RNF122: variants seen among roughly 807,000 people sequenced by gnomAD.
RNF122 encodes the protein ring finger protein 122.
A neutral mutation model predicts 24.2 loss-of-function variants in RNF122; 17 were observed. The observed-to-expected ratio is 0.70, with a 90% CI of 0.48 to 1.06. The LOEUF (loss-of-function observed/expected upper bound fraction) is 1.06. Ranked by LOEUF, RNF122 falls within the 50% of genes least tolerant of loss-of-function variation. The pLI, the probability that RNF122 is intolerant of heterozygous loss-of-function variation, is 0.00. For missense variants in RNF122, 168 were observed against 198.1 expected, an observed-to-expected ratio of 0.85 and a Z score of 0.91; for synonymous variants, 65 against 71.8, an observed-to-expected ratio of 0.91 and a Z score of 0.48.
chr8:33,563,141 C>G (rs905974346), intron 1 of RNF122, among the ~76,000 whole-genome samples: 1 of 151,892 alleles, frequency 6.6e-6, no homozygotes, highest in African/African-American at 2.4e-5. Context: ...AGCCTGAACC[C>G]TCCTAGGTTT....
intron 1 of RNF122, among the ~76,000 whole-genome samples, chr8:33,564,728 C>A (rs187678684): frequency 6.6e-6 from 1 of 151,894 alleles, no homozygotes. Flanking sequence ...CAAAATTAGC[C>A]GGCCATGGTG....
intron 2 of RNF122, among the ~76,000 whole-genome samples, chr8:33,557,144 C>T (rs1422974814): frequency 1.3e-5 from 2 of 152,202 alleles, no homozygotes; most frequent in African/African-American, 2.4e-5. Context: ...GCGGGGGAGA[C>T]AGCTAATGGC....
rs751515401 is a variant in RNF122, at chr8:33,548,950, G to A, written c.354-83C>T. The stretch of plus-strand genomic sequence containing the variant: ...TCTCTCAAAACAAGAATATCCCGTG[G>A]TGGCTCACAACTGTAATCCCAGCAC... On this transcript the variant is annotated intron_variant, in intron 5 of 5. Coordinates refer to ENST00000256257, the MANE Select transcript of RNF122 (RefSeq NM_024787.3). 2.6e-4 allele frequency: 263 copies of A among 1,000,216 alleles called. 1 individual carries two copies. Among genetic ancestry groups the A allele is most frequent in the Middle Eastern group, 6.2e-4 (3 of 4,868 alleles). 62.0% of individuals were successfully genotyped at this position (1,000,216 alleles called of 1,614,324 possible). A position where few individuals can be genotyped will look rare whatever the true frequency, so the allele number is the denominator to read the frequency against.
intron 1 of RNF122, among the ~76,000 whole-genome samples, chr8:33,565,384 T>A (rs76610330): frequency 7.2e-4 from 108 of 150,972 alleles, no homozygotes; most frequent in Admixed American, 3.0e-3. Context: ...AAGAATGATT[T>A]TTTTCCCCCT....
chr8:33,560,787 G>A (rs925532139), intron 1 of RNF122, among the ~76,000 whole-genome samples: 3 of 151,808 alleles, frequency 2.0e-5, no homozygotes, highest in Non-Finnish European at 2.9e-5. Flanking sequence ...AAAATTAGCT[G>A]GGCATGGTTG....
At chr8:33,558,353 T>C (rs1810486227) in intron 2 of RNF122, among the ~76,000 whole-genome samples, 3 of 152,096 alleles carry the variant, frequency 2.0e-5, no homozygotes, top group Admixed American at 6.5e-5. Context: ...CTAGGCAACC[T>C]TAGAATAATT....
intron 1 of RNF122, among the ~76,000 whole-genome samples, chr8:33,560,374 T>C (rs1199824902): frequency 2.0e-5 from 3 of 151,954 alleles, no homozygotes; most frequent in Non-Finnish European, 2.9e-5. Flanking sequence ...AAAAGGAACT[T>C]TGCTTGTTTG....
rs757572990 is a variant in RNF122, at chr8:33,558,593, G to A, written c.182+22C>T. The stretch of plus-strand genomic sequence containing the variant: ...CTCCCTCCTGCTGGACTCCCACCCC[G>A]GTCAGCCAGGGATCCACGCACCTGA... On this transcript the variant is annotated intron_variant, in intron 2 of 5. Transcript: ENST00000256257. 3.6e-5 allele frequency: 57 copies of A among 1,573,480 alleles called. No individual in the cohort carries two copies. The Admixed American group carries it at 5.0e-4, about 14-fold the overall frequency.
At chr8:33,560,488 C>T (rs960936524) in intron 1 of RNF122, among the ~76,000 whole-genome samples, 5 of 152,128 alleles carry the variant, frequency 3.3e-5, no homozygotes, top group African/African-American at 9.7e-5. Flanking sequence ...GATCCTCCTG[C>T]CTCAGCCCCA....
At chr8:33,551,446 G>T in intron 2 of RNF122, 57 bp from the exon 3 acceptor site, 1 of 1,587,658 alleles carries the variant, frequency 6.3e-7, no homozygotes. Flanking sequence ...ATTCAAAGCA[G>T]GAGAGGCTGG....
At chr8:33,562,099 C>A (rs761736778) in intron 1 of RNF122, among the ~76,000 whole-genome samples, 2 of 152,174 alleles carry the variant, frequency 1.3e-5, no homozygotes, top group South Asian at 2.1e-4. Flanking sequence ...AATAACCTCT[C>A]TTCCTTCAAT....
intron 1 of RNF122, among the ~76,000 whole-genome samples, chr8:33,559,902 C>A (rs554754701): frequency 6.8e-6 from 1 of 147,794 alleles, no homozygotes; most frequent in Non-Finnish European, 1.5e-5. Context: ...AGGGCAGTGG[C>A]GTGATCTTGG....
At chr8:33,559,560 C>G (rs570215087) in intron 1 of RNF122, among the ~76,000 whole-genome samples, 2 of 152,208 alleles carry the variant, frequency 1.3e-5, no homozygotes, top group East Asian at 3.9e-4. Context: ...TTGCAAAGGA[C>G]AATTGCAAAG....
chr8:33,549,549 A>T, intron 4 of RNF122, 57 bp from the exon 5 acceptor site: 1 of 1,340,404 alleles, frequency 7.5e-7, no homozygotes, highest in Non-Finnish European at 1.1e-6. Context: ...CACTCATTCA[A>T]CCCCAGACAA....
At chr8:33,566,452 C>T (rs1163765885) in intron 1 of RNF122, among the ~76,000 whole-genome samples, 2 of 152,336 alleles carry the variant, frequency 1.3e-5, no homozygotes, top group South Asian at 4.1e-4. Flanking sequence ...GGGAACCCCT[C>T]GGCTCCCACG....
chr8:33,550,465 A>G (rs1203592098), intron 4 of RNF122, among the ~76,000 whole-genome samples: 1 of 152,090 alleles, frequency 6.6e-6, no homozygotes, highest in Non-Finnish European at 1.5e-5. Flanking sequence ...CATGAACAGG[A>G]GCCTTGGGAA....
At chr8:33,559,939 T>A (rs1195263493) in intron 1 of RNF122, among the ~76,000 whole-genome samples, 1 of 151,328 alleles carries the variant, frequency 6.6e-6, no homozygotes, top group Non-Finnish European at 1.5e-5. Context: ...CCTCCCAGGT[T>A]CAAGCGATTC....
chr8:33,560,366 A>C (rs536475351), intron 1 of RNF122, among the ~76,000 whole-genome samples: 1 of 152,152 alleles, frequency 6.6e-6, no homozygotes, highest in African/African-American at 2.4e-5. Flanking sequence ...TCTGCTGGAA[A>C]AGGAACTTTG....
chr8:33,554,872 G>A (rs1171282490), intron 2 of RNF122, among the ~76,000 whole-genome samples: 2 of 152,236 alleles, frequency 1.3e-5, no homozygotes, highest in Non-Finnish European at 2.9e-5. Flanking sequence ...GGGGAAGAAT[G>A]AGCGAGGGGC....
Sources: allele counts gnomAD v4.1 joint callset (sites outside exome capture counted in the v4.1 genomes callset), GRCh38; gene constraint gnomAD v4.1.1; transcripts MANE v1.5; gene names NCBI Gene and HGNC (gene_info 2026-07-23, HGNC 2026-07-21).